ZNF790: variants seen among roughly 807,000 people sequenced by gnomAD.
The protein encoded by ZNF790 is zinc finger protein 790.
ZNF790 carries 8 observed loss-of-function variants against 12.1 expected under a neutral mutation model. The ratio of observed to expected loss-of-function variants is 0.66; its 90% CI spans 0.39 to 1.19. The LOEUF is 1.19. Ranked by LOEUF, ZNF790 falls within the 50% of genes most tolerant of loss-of-function variation. The pLI is 0.01. For synonymous variants in ZNF790, 252 were observed against 244.3 expected (o/e 1.03, Z -0.29); for missense variants, 707 against 752.2 (o/e 0.94, Z 0.70).
At chr19:36,841,266 T>C (rs2072127244), upstream of ZNF790, among the ~76,000 whole-genome samples, 1 of 152,028 alleles carries the variant, frequency 6.6e-6, no homozygotes, top group Non-Finnish European at 1.5e-5. Flanking sequence ...TGGTCCAAGG[T>C]TGAGATGCCC....
At chr19:36,846,152 ATTCATTGTCCAC>A (rs1458438805) in intron 1 of ZNF790, among the ~76,000 whole-genome samples, 1 of 152,076 alleles carries the variant, frequency 6.6e-6, no homozygotes, top group African/African-American at 2.4e-5. Context: ...TCATTTACAC[ATTCATTGTCCAC>A]TTCCCCAACT....
chr19:36,842,871 G>T (rs922998807), upstream of ZNF790, among the ~76,000 whole-genome samples: 3 of 151,808 alleles, frequency 2.0e-5, no homozygotes, highest in East Asian at 5.8e-4. Context: ...TGGGCGTAGT[G>T]GCGGATGCCT....
rs1568332126 is a variant in ZNF790, at chr19:36,818,591, T to C, written c.1753A>G (p.Ser585Gly). 6.2e-7 allele frequency: 1 copy of C among 1,610,524 alleles called. No individual in the cohort carries two copies. Among genetic ancestry groups the C allele is most frequent in the Non-Finnish European group, 8.5e-7 (1 of 1,177,344 alleles). Residue 585 changes from serine (S) to glycine (G), a missense_variant, in exon 5 of 5, where the codon AGT becomes GGT. Transcript: ENST00000356725. ...SYFTEQKIHN[S>G]ANLCEWTDYG... Reference sequence around the variant, plus strand: ...TCTGTCCATTCACAGAGATTTGCACTATTATGAATTTTTTGTTCAGTAAAA... The same window carrying C: ...TCTGTCCATTCACAGAGATTTGCACCATTATGAATTTTTTGTTCAGTAAAA...
intron 1 of ZNF790, among the ~76,000 whole-genome samples, chr19:36,848,754 G>T (rs541915221): frequency 6.6e-6 from 1 of 151,182 alleles, no homozygotes; most frequent in Non-Finnish European, 1.5e-5. Context: ...ATGGGGGTTG[G>T]GGGGGTGGTG....
chr19:36,838,106 G>A lies in ZNF790; in HGVS notation c.-74+231C>T, dbSNP rs1643424. 26,031 of 74,964 alleles carry A rather than the reference G, an allele frequency of 0.35. 2,321 individuals are homozygous for A. Among genetic ancestry groups the A allele is most frequent in the African/African-American group, 0.41 (5,959 of 14,608 alleles). The allele number at this position is 74,964 out of a possible 1,614,324, so 4.6% of individuals were successfully genotyped here. ...CTGTCAACGTCGTGTGCGCGTGCGC[G>A]CACACACACACACACACACACATAC... On this transcript the variant is annotated intron_variant, in intron 1 of 4. Transcript: ENST00000356725. This position sits in a 1 kb window ranked among gnomAD's most constrained non-coding sequence, Gnocchi z 4.4.
Position 36,819,665 on chromosome 19 carries a change from C to T in ZNF790, c.679G>A (p.Glu227Lys). ...QTVHTVKKTY[E>K]CKECGKSFSL... ...AAAGACTTCCCACATTCTTTACATT[C>T]ATATGTTTTCTTAACAGTGTGAACT... Residue 227 changes from glutamate to lysine, a missense_variant, in exon 5 of 5, where the codon GAA (glutamate) becomes AAA (lysine). By Grantham distance (56) the Glu-to-Lys change is moderately conservative (BLOSUM62 1). Transcript: ENST00000356725. 6 of 1,610,376 alleles carry T rather than the reference C, an allele frequency of 3.7e-6. No individual in the cohort carries two copies. The highest frequency in any genetic ancestry group is 5.1e-6 in the Non-Finnish European group (6 of 1,178,066).
At position 36,823,315 on chromosome 19, in the gene ZNF790, A is replaced by C; in HGVS notation, c.199T>G (p.Leu67Val). ...CAAGGTCCTCTTGTCTCATCCCTCAAAATCTTCCAGGGCTCTTTCCCTTTC... is the reference window on the plus strand; with the variant it reads ...CAAGGTCCTCTTGTCTCATCCCTCACAATCTTCCAGGGCTCTTTCCCTTTC... ...LEKGKEPWKILRDETRGPCPD... is the reference protein window; with the variant it reads ...LEKGKEPWKIVRDETRGPCPD... The change falls in exon 4 of 5, where the codon TTG (leucine) becomes GTG (valine). Residue 67 changes from leucine (L) to valine (V), a missense_variant. Leu to Val is a conservative substitution (Grantham distance 32). Coordinates refer to ENST00000356725, the MANE Select transcript of ZNF790 (RefSeq NM_206894.4). 1 of 1,614,066 alleles carries C rather than the reference A, an allele frequency of 6.2e-7. No homozygotes were observed. Among genetic ancestry groups the C allele is most frequent in the Non-Finnish European group, 8.5e-7 (1 of 1,180,010 alleles).
At chr19:36,836,840 T>C (rs1356816320) in intron 1 of ZNF790, among the ~76,000 whole-genome samples, 1 of 152,182 alleles carries the variant, frequency 6.6e-6, no homozygotes, top group Non-Finnish European at 1.5e-5. Context: ...CCCATAGTTA[T>C]CAGCCTATGA....
At chr19:36,824,297 T>C (rs2071749421) in intron 2 of ZNF790, among the ~76,000 whole-genome samples, 1 of 151,524 alleles carries the variant, frequency 6.6e-6, no homozygotes, top group Non-Finnish European at 1.5e-5. Flanking sequence ...ACACCCAGCC[T>C]ACATGCTCCT....
chr19:36,824,295 C>G (rs985220958), intron 2 of ZNF790, among the ~76,000 whole-genome samples: 2 of 151,462 alleles, frequency 1.3e-5, no homozygotes, highest in African/African-American at 2.4e-5. Flanking sequence ...CGACACCCAG[C>G]CTACATGCTC....
intron 1 of ZNF790, among the ~76,000 whole-genome samples, chr19:36,827,137 C>CATATATATATAT (rs1568338007): frequency 1.4e-5 from 1 of 72,588 alleles, no homozygotes; most frequent in African/African-American, 6.2e-5. Flanking sequence ...CACACACACA[C>CATATATATATAT]ACACATATAT....
At chr19:36,827,499 G>A (rs1208944583) in intron 1 of ZNF790, among the ~76,000 whole-genome samples, 2 of 152,128 alleles carry the variant, frequency 1.3e-5, no homozygotes, top group Admixed American at 6.5e-5. Flanking sequence ...AATGACTAAT[G>A]TATAGGAATA....
intron 1 of ZNF790, among the ~76,000 whole-genome samples, chr19:36,847,270 G>A (rs971670454): frequency 6.6e-6 from 1 of 151,776 alleles, no homozygotes; most frequent in Admixed American, 6.6e-5. Context: ...AGAATTGCTT[G>A]AACCCGGGAG....
At chr19:36,830,188 A>G (rs2071919845) in intron 1 of ZNF790, among the ~76,000 whole-genome samples, 1 of 152,196 alleles carries the variant, frequency 6.6e-6, no homozygotes, top group Non-Finnish European at 1.5e-5. Context: ...CCTAGATATC[A>G]GGTTGAATTC....
intron 4 of ZNF790, among the ~76,000 whole-genome samples, chr19:36,820,892 C>T (rs111571513): frequency 0.18 from 22,575 of 126,956 alleles, 1,957 homozygotes; most frequent in Non-Finnish European, 0.21. Context: ...GAGACCCTGT[C>T]TTTTTTTTTT....
At chr19:36,845,200 T>A (rs1164344594) in intron 1 of ZNF790, among the ~76,000 whole-genome samples, 1 of 152,010 alleles carries the variant, frequency 6.6e-6, no homozygotes, top group Admixed American at 6.6e-5. Flanking sequence ...GAGGTTCATT[T>A]GCATCTAGGA....
chr19:36,845,437 A>G (rs1387607669), intron 1 of ZNF790, among the ~76,000 whole-genome samples: 1 of 152,076 alleles, frequency 6.6e-6, no homozygotes, highest in Non-Finnish European at 1.5e-5. Context: ...TAGTAGGGAA[A>G]GAATAGCAAT....
intron 1 of ZNF790, among the ~76,000 whole-genome samples, chr19:36,830,250 G>T (rs2071921171): frequency 6.6e-6 from 1 of 151,942 alleles, no homozygotes; most frequent in Admixed American, 6.6e-5. Context: ...AATCATAAAG[G>T]GTATTGGCTC....
At chr19:36,835,990 A>G (rs1227589) in intron 1 of ZNF790, among the ~76,000 whole-genome samples, 117,715 of 151,846 alleles carry the variant, frequency 0.78, 46,353 homozygotes, top group African/African-American at 0.86. Context: ...TGCCATATAA[A>G]GTAGCATCGT....
Sources: gnomAD v4.1 joint callset for allele counts (sites outside exome capture counted in the v4.1 genomes callset) on GRCh38, gnomAD v4.1.1 for gene constraint, Gnocchi (gnomAD v3.1) non-coding constraint, MANE v1.5 for transcripts, NCBI Gene and HGNC (gene_info 2026-07-23, HGNC 2026-07-21) for gene names.